STAU2: variants seen among roughly 807,000 people sequenced by gnomAD.
STAU2 encodes the protein double-stranded RNA-binding protein Staufen homolog 2.
STAU2 carries 20 observed loss-of-function variants against 65.9 expected under a neutral mutation model. The observed-to-expected ratio is 0.30, with a 90% CI of 0.21 to 0.44. The LOEUF is 0.44. STAU2 is among the 20% of genes least tolerant of loss of function. The pLI is 1.00. For synonymous variants in STAU2, 232 were observed against 233.9 expected (o/e 0.99, Z 0.07); for missense variants, 558 against 683.9 (o/e 0.82, Z 2.05).
chr8:73,738,388 T>C, intron 2 of STAU2, 39 bp from the exon 3 acceptor site: 1 of 1,472,580 alleles, frequency 6.8e-7, no homozygotes, highest in African/African-American at 1.4e-5. Flanking sequence ...TCAACTTAGC[T>C]GATAACCTCA....
chr8:73,558,220 C>A (rs760947492), intron 12 of STAU2, among the ~76,000 whole-genome samples: 1 of 152,158 alleles, frequency 6.6e-6, no homozygotes, highest in East Asian at 1.9e-4. Context: ...AGTAAATGCC[C>A]GGGGTTTGCC....
At chr8:73,631,604 G>T (rs1327481955) in intron 6 of STAU2, among the ~76,000 whole-genome samples, 7 of 152,148 alleles carry the variant, frequency 4.6e-5, no homozygotes, top group Admixed American at 4.6e-4. Context: ...TACACAGACT[G>T]TTCTGTATAG....
At chr8:73,556,755 C>A (rs569288536) in intron 12 of STAU2, among the ~76,000 whole-genome samples, 3 of 152,180 alleles carry the variant, frequency 2.0e-5, no homozygotes, top group South Asian at 4.1e-4. Flanking sequence ...AAAAAAAAAT[C>A]TTTGCCAGTT....
chr8:73,648,694 T>C (rs1273182275), intron 6 of STAU2, among the ~76,000 whole-genome samples: 1 of 152,234 alleles, frequency 6.6e-6, no homozygotes, highest in Non-Finnish European at 1.5e-5. Flanking sequence ...AACTTTTAAC[T>C]TCTGCCATTA....
At chr8:73,596,250 C>A (rs1811178454) in intron 10 of STAU2, among the ~76,000 whole-genome samples, 1 of 152,020 alleles carries the variant, frequency 6.6e-6, no homozygotes, top group African/African-American at 2.4e-5. Context: ...GGGGTAATAC[C>A]AACTACTGCA....
At chr8:73,672,096 G>GTTTTC (rs1817724412) in intron 6 of STAU2, 2 of 152,040 alleles carry the variant, frequency 1.3e-5, no homozygotes, top group East Asian at 1.9e-4. Flanking sequence ...AGTGAAAAGA[G>GTTTTC]AGTGCTTGTT....
At chr8:73,585,617 G>T (rs1260971130) in intron 11 of STAU2, among the ~76,000 whole-genome samples, 1 of 152,180 alleles carries the variant, frequency 6.6e-6, no homozygotes, top group Non-Finnish European at 1.5e-5. Flanking sequence ...GAGAGATGAG[G>T]TCAAAGTAAT....
At chr8:73,741,006 GAAAAA>G (rs770291962) in intron 1 of STAU2, among the ~76,000 whole-genome samples, 1 of 62,764 alleles carries the variant, frequency 1.6e-5, no homozygotes, top group African/African-American at 6.6e-5. Context: ...CTTCATCTCA[GAAAAA>G]AAAAAAAAAA....
intron 6 of STAU2, among the ~76,000 whole-genome samples, chr8:73,661,049 T>C (rs940448027): frequency 6.6e-6 from 1 of 152,158 alleles, no homozygotes; most frequent in African/African-American, 2.4e-5. Context: ...GGTCACTGAA[T>C]TACTTTATTA....
intron 13 of STAU2, among the ~76,000 whole-genome samples, chr8:73,504,505 G>A (rs921908346): frequency 1.3e-5 from 2 of 152,044 alleles, no homozygotes; most frequent in Non-Finnish European, 2.9e-5. Context: ...CATTTCAAAT[G>A]TATAGAGTGT....
At chr8:73,720,331 T>C (rs942826763) in intron 3 of STAU2, among the ~76,000 whole-genome samples, 7 of 151,900 alleles carry the variant, frequency 4.6e-5, no homozygotes, top group Non-Finnish European at 1.5e-5. Context: ...AATTTGTTCT[T>C]CTTTTTCTAG....
At chr8:73,566,596 T>C (rs1808629765) in intron 12 of STAU2, among the ~76,000 whole-genome samples, 1 of 152,190 alleles carries the variant, frequency 6.6e-6, no homozygotes, top group Non-Finnish European at 1.5e-5. Flanking sequence ...AAATGATATA[T>C]CTAGAAATAA....
At chr8:73,613,378 T>G (rs1812609568) in intron 9 of STAU2, among the ~76,000 whole-genome samples, 2 of 152,130 alleles carry the variant, frequency 1.3e-5, no homozygotes, top group South Asian at 4.1e-4. Flanking sequence ...TGAATAAAAA[T>G]GGGCAAACTC....
chr8:73,718,358 C>T (rs1821401353), intron 3 of STAU2, among the ~76,000 whole-genome samples: 2 of 152,148 alleles, frequency 1.3e-5, no homozygotes, highest in East Asian at 1.9e-4. Flanking sequence ...AAACATTACA[C>T]TTTAAACATT....
chr8:73,729,405 T>A (rs114932886), intron 3 of STAU2, among the ~76,000 whole-genome samples: 1,602 of 152,334 alleles, frequency 0.011, 25 homozygotes, highest in African/African-American at 0.036. Context: ...ATCAGGGTAA[T>A]AATACTGGCC....
chr8:73,444,065 G>A (rs955718197), intron 13 of STAU2, among the ~76,000 whole-genome samples: 1 of 152,104 alleles, frequency 6.6e-6, no homozygotes, highest in Non-Finnish European at 1.5e-5. Flanking sequence ...CTTTTAGCCA[G>A]TGGAAGAGAA....
rs556901015 is a variant in STAU2, at chr8:73,738,992, G to A, written c.-83-643C>T. On this transcript the variant is annotated intron_variant, in intron 2 of 14. Transcript: ENST00000524300. ...GGGCGTGGTAATCCCAGCATTTTGGGAGGCCAAGGTGGGTGGATCATTTGA... is the reference window on the plus strand; with the variant it reads ...GGGCGTGGTAATCCCAGCATTTTGGAAGGCCAAGGTGGGTGGATCATTTGA... Among the ~76,000 whole-genome samples the A allele has an allele frequency of 5.3e-5, 8 of 152,186 alleles. No homozygotes were observed. The East Asian group carries it at 1.5e-3, about 29-fold the overall frequency.
At chr8:73,716,363 T>G (rs1821253645) in intron 3 of STAU2, among the ~76,000 whole-genome samples, 1 of 152,330 alleles carries the variant, frequency 6.6e-6, no homozygotes, top group East Asian at 1.9e-4. Flanking sequence ...GTGCTGGGAT[T>G]ACAGGCGTGA....
chr8:73,439,476 C>G (rs1324093804), intron 13 of STAU2, among the ~76,000 whole-genome samples: 2 of 152,114 alleles, frequency 1.3e-5, no homozygotes, highest in Non-Finnish European at 2.9e-5. Flanking sequence ...AAATTAGCCT[C>G]ACATGGGGGT....
Sources: gnomAD v4.1 joint callset for allele counts (sites outside exome capture counted in the v4.1 genomes callset) on GRCh38, gnomAD v4.1.1 for gene constraint, MANE v1.5 for transcripts, NCBI Gene and HGNC (gene_info 2026-07-23, HGNC 2026-07-21) for gene names.